The following TBC1D16 variants were observed in gnomAD, a reference collection of about 807,000 sequenced individuals.
The protein encoded by TBC1D16 is CTD-2529O21.1.
In TBC1D16, 58 loss-of-function variants were observed where a neutral mutation model predicts 74.7. The ratio of observed to expected loss-of-function variants is 0.78; its 90% CI spans 0.63 to 0.97. TBC1D16 has a LOEUF of 0.97. TBC1D16 is among the 50% of genes least tolerant of loss of function. The probability of loss-of-function intolerance (pLI) is 0.00; values close to 1 mark genes in which losing one functional copy is unlikely to be tolerated. For missense variants in TBC1D16, 1,014 were observed against 1,079.5 expected (o/e 0.94, Z 0.85); for synonymous variants, 493 against 474.7 (o/e 1.04, Z -0.50).
chr17:79,941,497 C>T lies in TBC1D16; in HGVS notation c.2056-390G>A, dbSNP rs2031984077. On this transcript the variant is annotated intron_variant, in intron 11 of 11. Transcript: ENST00000310924. The surrounding 1 kb of genome is among the most constrained non-coding windows in gnomAD (Gnocchi z 4.3). ...CCCCCGCACCTTGCTCCACCCCCCA[C>T]CCCCAGCAGCCTCTCAGCTCCTGCA... Among the ~76,000 whole-genome samples, 2 of 152,150 alleles carry T rather than the reference C, an allele frequency of 1.3e-5. No homozygotes were observed. Among genetic ancestry groups the T allele is most frequent in the East Asian group, 1.9e-4 (1 of 5,188 alleles).
rs1333740566 is a variant in TBC1D16 at position 79,956,463 on chromosome 17, A to G, written c.780-3645T>C. 3.9e-5 allele frequency among the ~76,000 whole-genome samples: 6 copies of G among 152,128 alleles called. No individual in the cohort carries two copies. In the East Asian group the frequency reaches 1.2e-3, roughly 29 times the overall value. On this transcript the variant is annotated intron_variant, in intron 3 of 11. Transcript: ENST00000310924. The surrounding 1 kb of genome is among the most constrained non-coding windows in gnomAD (Gnocchi z 4.0). ...GAGATGGGGTTTTGCCATGTTGCCC[A>G]GGCTGGTCTCAAACTCCTGAGCTCA...
At chr17:80,034,897 G>A (rs2036904626) in intron 1 of TBC1D16, among the ~76,000 whole-genome samples, 1 of 152,202 alleles carries the variant, frequency 6.6e-6, no homozygotes, top group African/African-American at 2.4e-5. Flanking sequence ...CCAGATAAAA[G>A]AATTAGGAGC....
chr17:80,012,401 G>A (rs923267287), intron 2 of TBC1D16, among the ~76,000 whole-genome samples: 12 of 152,108 alleles, frequency 7.9e-5, no homozygotes, highest in South Asian at 2.1e-4. Flanking sequence ...CCACACAGCC[G>A]CAGCCAACCA....
At position 80,021,197 on chromosome 17, in the gene TBC1D16, A is replaced by G. The variant is rs564733237; in HGVS notation, c.-62-7588T>C. Among the ~76,000 whole-genome samples, 334 of 149,734 alleles carry G rather than the reference A, an allele frequency of 2.2e-3. 6 individuals are homozygous for G. The highest frequency in any genetic ancestry group is 0.017 in the Middle Eastern group (5 of 292). On this transcript the variant is annotated intron_variant, in intron 1 of 11. Transcript: ENST00000310924. Reference sequence around the variant, plus strand: ...AACTCAGGTGGTGGAGGTTGCAGTGAGCCGAGATCGTGCCATTGCACTCCA... The same window carrying G: ...AACTCAGGTGGTGGAGGTTGCAGTGGGCCGAGATCGTGCCATTGCACTCCA...
chr17:79,948,880 C>T lies in TBC1D16; in HGVS notation c.1533G>A (p.Glu511=), dbSNP rs759072169. The T allele has an allele frequency of 1.2e-6, 2 of 1,614,116 alleles. No homozygotes were observed. Among genetic ancestry groups the T allele is most frequent in the Non-Finnish European group, 1.7e-6 (2 of 1,180,006 alleles). Residue 511 remains glutamate, a synonymous_variant, in exon 8 of 12, where the codon GAG becomes GAA. Coordinates refer to ENST00000310924, the MANE Select transcript of TBC1D16 (RefSeq NM_019020.4). ...FFRGEDNPNV[E]SMRRILLNYA... is the part of the protein sequence containing the mutation. ...GGCTGGGGAGGGAGTACCTCATGCT[C>T]TCCACATTGGGATTGTCTTCCCCCC...
chr17:80,019,840 T>TG (rs1321920205), intron 1 of TBC1D16, among the ~76,000 whole-genome samples: 1 of 149,814 alleles, frequency 6.7e-6, no homozygotes, highest in Non-Finnish European at 1.5e-5. Context: ...TGCTTTCAGT[T>TG]GGATCATAAA....
chr17:80,017,744 G>A (rs2036143681), intron 1 of TBC1D16, among the ~76,000 whole-genome samples: 1 of 151,606 alleles, frequency 6.6e-6, no homozygotes, highest in Non-Finnish European at 1.5e-5. Flanking sequence ...CAAAACAGGT[G>A]GAAGGCTGGC....
At position 79,981,806 on chromosome 17, in the gene TBC1D16, C is replaced by T. The variant is rs1025819476; in HGVS notation, c.779+28354G>A. Among the ~76,000 whole-genome samples the T allele has an allele frequency of 6.6e-6, 1 of 152,236 alleles. No homozygotes were observed. The highest frequency in any genetic ancestry group is 2.4e-5 in the African/African-American group (1 of 41,462). On this transcript the variant is annotated intron_variant, in intron 3 of 11. Coordinates refer to ENST00000310924, the MANE Select transcript of TBC1D16 (RefSeq NM_019020.4). The surrounding 1 kb of genome is among the most constrained non-coding windows in gnomAD (Gnocchi z 6.9). Reference sequence around the variant, plus strand: ...ACCTGCCACGGGCACGAAGCAGACCCACATCCGTCCCTGCAGCAGCAGCCT... The same window carrying T: ...ACCTGCCACGGGCACGAAGCAGACCTACATCCGTCCCTGCAGCAGCAGCCT...
At chr17:79,953,002 T>C in intron 3 of TBC1D16, 184 bp from the exon 4 acceptor site, 1 of 529,568 alleles carries the variant, frequency 1.9e-6, no homozygotes, top group Non-Finnish European at 3.1e-6. Context: ...ACTGCACAGT[T>C]CTACTTCCAC....
rs1007887472 is a variant in TBC1D16 at position 79,941,559 on chromosome 17, C to T, written c.2056-452G>A. 8.5e-5 allele frequency among the ~76,000 whole-genome samples: 13 copies of T among 152,242 alleles called. No homozygotes were observed. Among genetic ancestry groups the T allele is most frequent in the South Asian group, 8.3e-4 (4 of 4,828 alleles). ...CTGTGCCAGAGGACACCACCGACCT[C>T]GGGACCCCCGCTCAGTGCCCTGAGG... On this transcript the variant is annotated intron_variant, in intron 11 of 11. Transcript: ENST00000310924. This position sits in a 1 kb window ranked among gnomAD's most constrained non-coding sequence, Gnocchi z 4.3.
At position 79,981,102 on chromosome 17, in the gene TBC1D16, T is replaced by G. The variant is rs1017672153; in HGVS notation, c.780-28284A>C. Among the ~76,000 whole-genome samples the G allele has an allele frequency of 6.6e-6, 1 of 152,266 alleles. No homozygotes were observed. Among genetic ancestry groups the G allele is most frequent in the Non-Finnish European group, 1.5e-5 (1 of 68,040 alleles). On this transcript the variant is annotated intron_variant, in intron 3 of 11. Transcript: ENST00000310924. The surrounding 1 kb of genome is among the most constrained non-coding windows in gnomAD (Gnocchi z 6.9). ...CACTTGTCACAGCAAAGCTGAATTC[T>G]GTATCTAGCCCCTCGTGGCAGCAGT...
chr17:80,028,354 C>T (rs1201568579), intron 1 of TBC1D16, among the ~76,000 whole-genome samples: 1 of 152,006 alleles, frequency 6.6e-6, no homozygotes, highest in Non-Finnish European at 1.5e-5. Context: ...AACATGGTAA[C>T]ACCCTGTCTA....
rs538095490 is a variant in TBC1D16 at position 80,010,173 on chromosome 17, C to T, written c.766G>A (p.Glu256Lys). The T allele has an allele frequency of 1.3e-5, 21 of 1,610,244 alleles. No individual in the cohort carries two copies. Among genetic ancestry groups the T allele is most frequent in the Middle Eastern group, 1.7e-4 (1 of 5,950 alleles). Reference protein sequence around the residue: ...LAESRGSVFLESDSSPPSSSD... With the variant: ...LAESRGSVFLKSDSSPPSSSD... Reference sequence around the variant, plus strand: ...CCAGGAACTCACCTGCTGTCACTTTCCAGAAACACGGAGCCGCGGCTCTCG... The same window carrying T: ...CCAGGAACTCACCTGCTGTCACTTTTCAGAAACACGGAGCCGCGGCTCTCG... Residue 256 changes from glutamate to lysine, a missense_variant, in exon 3 of 12, where the codon GAA (glutamate) becomes AAA (lysine). Transcript: ENST00000310924. This position sits in a 1 kb window ranked among gnomAD's most constrained non-coding sequence, Gnocchi z 8.8.
In TBC1D16 at chr17:79,950,553, A is replaced by G; in HGVS notation, c.1115T>C (p.Met372Thr). The change falls in exon 6 of 12, where the codon ATG (methionine) becomes ACG (threonine). Residue 372 changes from methionine to threonine, a missense_variant. Met to Thr is a moderately conservative substitution (Grantham distance 81, BLOSUM62 -1). Coordinates refer to ENST00000310924, the MANE Select transcript of TBC1D16 (RefSeq NM_019020.4). The surrounding 1 kb of genome is among the most constrained non-coding windows in gnomAD (Gnocchi z 4.6). ...CTTGGGGCGGCGGATGGAGAACTGC[A>G]TGCATGTCTTATCGGGGGCGACCTG... The part of the protein sequence containing the change: ...DQQVAPDKTC[M>T]QFSIRRPKLP... 1 of 1,613,080 alleles carries G rather than the reference A, an allele frequency of 6.2e-7. No individual in the cohort carries two copies. Among genetic ancestry groups the G allele is most frequent in the Non-Finnish European group, 8.5e-7 (1 of 1,179,840 alleles).
At chr17:80,016,562 C>A (rs1030040397) in intron 1 of TBC1D16, among the ~76,000 whole-genome samples, 11 of 144,640 alleles carry the variant, frequency 7.6e-5, no homozygotes, top group African/African-American at 2.8e-4. Flanking sequence ...GTCCCTAAAT[C>A]AAGTCCCTTT....
At chr17:79,977,702 G>C (rs953313287) in intron 3 of TBC1D16, among the ~76,000 whole-genome samples, 11 of 152,246 alleles carry the variant, frequency 7.2e-5, no homozygotes. Flanking sequence ...ACTGAAGCAC[G>C]TCTGGCATAA....
chr17:79,958,745 T>A (rs2033460027), intron 3 of TBC1D16, among the ~76,000 whole-genome samples: 1 of 152,190 alleles, frequency 6.6e-6, no homozygotes, highest in Non-Finnish European at 1.5e-5. Flanking sequence ...GAGAAGCTCC[T>A]CAAGCTGATA....
At chr17:79,945,161 T>G (rs939589929) in intron 9 of TBC1D16, 74 bp from the exon 10 acceptor site, 15 of 1,460,616 alleles carry the variant, frequency 1.0e-5, no homozygotes, top group Non-Finnish European at 1.4e-5. Flanking sequence ...CCACTCCCAC[T>G]GGGGCCCTTC....
rs2032066008 is a variant in TBC1D16 at position 79,942,091 on chromosome 17, A to G, written c.2024T>C (p.Met675Thr). 3 of 1,612,388 alleles carry G rather than the reference A, an allele frequency of 1.9e-6. No individual in the cohort carries two copies. The highest frequency in any genetic ancestry group is 1.3e-5 in the African/African-American group (1 of 75,002). Residue 675 changes from methionine to threonine, a missense_variant, in exon 11 of 12, where the codon ATG becomes ACG. Met to Thr is a moderately conservative substitution (Grantham distance 81). Coordinates refer to ENST00000310924, the MANE Select transcript of TBC1D16 (RefSeq NM_019020.4). ...QMLLHFGNLA[M>T]HMNGELVLRK... ...GAGAACGAGCTCCCCGTTCATGTGC[A>G]TGGCCAGGTTTCCGAAGTGCAGGAG... is the stretch of plus-strand genomic sequence containing the variant.
Sources: gnomAD v4.1 joint callset for allele counts (sites outside exome capture counted in the v4.1 genomes callset) on GRCh38, gnomAD v4.1.1 for gene constraint, Gnocchi (gnomAD v3.1) non-coding constraint, MANE v1.5 for transcripts, NCBI Gene and HGNC (gene_info 2026-07-23, HGNC 2026-07-21) for gene names.